The following CTSC variants were observed in gnomAD, a reference collection of about 807,000 sequenced individuals.
CTSC encodes the protein dipeptidyl peptidase 1.
In CTSC, 37 loss-of-function variants were observed where a neutral mutation model predicts 40.9. The ratio of observed to expected loss-of-function variants is 0.91; its 90% CI spans 0.70 to 1.19. The LOEUF is 1.19. CTSC is among the 50% of genes most tolerant of loss of function. The pLI is 0.00. For synonymous variants in CTSC, 232 were observed against 207.4 expected, an observed-to-expected ratio of 1.12 and a Z score of -1.02; for missense variants, 594 against 567.3, an observed-to-expected ratio of 1.05 and a Z score of -0.48.
chr11:88,300,928 T>C (rs540519222), intron 4 of CTSC, among the ~76,000 whole-genome samples: 2 of 152,262 alleles, frequency 1.3e-5, no homozygotes, highest in African/African-American at 2.4e-5. Context: ...TTAGTTTGCC[T>C]GAATAGCTGC....
Position 88,337,661 on chromosome 11 carries a change from C to T in CTSC, c.12G>A (p.Gly4=), listed in dbSNP as rs755959403. The T allele has an allele frequency of 1.2e-4, 194 of 1,577,866 alleles. No individual in the cohort carries two copies. The East Asian group carries it at 4.5e-3, about 36-fold the overall frequency. MGA[G]PSLLLAALLL... ...GGAGGGCGGCGAGCAGCAAGGAGGGCCCAGCACCCATGCTGCAGGGAGCTG... is the reference window on the plus strand; with the variant it reads ...GGAGGGCGGCGAGCAGCAAGGAGGGTCCAGCACCCATGCTGCAGGGAGCTG... The change falls in exon 1 of 7, where the codon GGG becomes GGA. Residue 4 remains glycine (G), a synonymous_variant. Coordinates refer to ENST00000227266, the MANE Select transcript of CTSC (RefSeq NM_001814.6).
At chr11:88,336,238 T>TAAAAAAAAAA (rs3079112) in intron 1 of CTSC, among the ~76,000 whole-genome samples, 1 of 127,206 alleles carries the variant, frequency 7.9e-6, no homozygotes. Context: ...AACTCAAATT[T>TAAAAAAAAAA]AAAAAAAAAA....
chr11:88,312,427 A>C lies in CTSC; in HGVS notation c.446T>G (p.Val149Gly). The C allele has an allele frequency of 6.2e-7, 1 of 1,614,190 alleles. No homozygotes were observed. The highest frequency in any genetic ancestry group is 1.1e-5 in the South Asian group (1 of 91,088). ...CTTAAGGTGTGCTATGTTGACATAC[A>C]CATTCTCAGAGGCAGTTCCCACCTT... The part of the protein sequence containing the change: ...GKKVGTASEN[V>G]YVNIAHLKNS... Residue 149 changes from valine to glycine, a missense_variant, in exon 3 of 7, where the codon GTG becomes GGG. By Grantham distance (109) the Val-to-Gly change is moderately radical. Transcript: ENST00000227266.
At chr11:88,309,395 T>C (rs1937700890) in intron 3 of CTSC, 77 bp from the exon 4 acceptor site, 1 of 1,257,968 alleles carries the variant, frequency 7.9e-7, no homozygotes, top group Non-Finnish European at 1.2e-6. Flanking sequence ...GCATTCACAC[T>C]CTGTGCCTAA....
intron 2 of CTSC, chr11:88,326,343 G>A (rs1267948698): frequency 6.2e-7 from 1 of 1,613,876 alleles, no homozygotes; most frequent in Non-Finnish European, 8.5e-7. Flanking sequence ...AGCTGCTACA[G>A]GTAGGTCCAC....
chr11:88,300,321 T>A lies in CTSC; in HGVS notation c.757+209A>T, dbSNP rs181513908. On this transcript the variant is annotated intron_variant, in intron 5 of 6. Coordinates refer to ENST00000227266, the MANE Select transcript of CTSC (RefSeq NM_001814.6). The stretch of plus-strand genomic sequence containing the variant: ...TATATTGAGAAGAGTACTGAATAAA[T>A]GCTAAGCTCAGTAGAAAAGAAAATT... 5.3e-5 allele frequency among the ~76,000 whole-genome samples: 8 copies of A among 152,312 alleles called. No individual in the cohort carries two copies. In the East Asian group the frequency reaches 1.5e-3, roughly 29 times the overall value.
At position 88,293,919 on chromosome 11, in the gene CTSC, A is replaced by T. The variant is rs759912360; in HGVS notation, c.*87T>A. The T allele has an allele frequency of 7.1e-7, 1 of 1,414,958 alleles. No individual in the cohort carries two copies. Among genetic ancestry groups the T allele is most frequent in the Non-Finnish European group, 9.9e-7 (1 of 1,008,296 alleles). The allele number at this position is 1,414,958 out of a possible 1,614,324, so 87.7% of individuals were successfully genotyped here. On this transcript the variant is annotated 3_prime_UTR_variant, in exon 7 of 7. Transcript: ENST00000227266. ...GGAAATCTATTTGTAAGCTTCTGAG[A>T]TTGCTGCTGAAAGTCTACAGTCTGT... is the stretch of plus-strand genomic sequence containing the variant.
intron 4 of CTSC, 106 bp downstream of exon 4, chr11:88,309,057 T>A: frequency 8.5e-6 from 8 of 944,744 alleles, no homozygotes; most frequent in Non-Finnish European, 1.0e-5. Flanking sequence ...AAGTTACAAC[T>A]GGGATGACCA....
At chr11:88,300,010 A>G (rs1036869415) in intron 5 of CTSC, among the ~76,000 whole-genome samples, 1 of 152,228 alleles carries the variant, frequency 6.6e-6, no homozygotes, top group African/African-American at 2.4e-5. Flanking sequence ...GTTAATACTT[A>G]CCATCACATA....
intron 2 of CTSC, among the ~76,000 whole-genome samples, chr11:88,329,383 G>GAGGA (rs1938280745): frequency 6.8e-6 from 1 of 147,260 alleles, no homozygotes; most frequent in South Asian, 2.1e-4. Flanking sequence ...TCTGGAGGCT[G>GAGGA]AGGAAGGACA....
chr11:88,331,240 C>T (rs757705158), intron 2 of CTSC, among the ~76,000 whole-genome samples: 26 of 152,250 alleles, frequency 1.7e-4, no homozygotes, highest in East Asian at 3.9e-4. Flanking sequence ...TTTCAGATCC[C>T]GTAGGTTGAG....
At chr11:88,329,568 T>G (rs1308237309) in intron 2 of CTSC, among the ~76,000 whole-genome samples, 3 of 151,298 alleles carry the variant, frequency 2.0e-5, no homozygotes, top group Non-Finnish European at 2.9e-5. Flanking sequence ...GAGAGAATGC[T>G]ACACAGAGGA....
chr11:88,319,991 A>G (rs1426602079), intron 2 of CTSC, among the ~76,000 whole-genome samples: 1 of 152,212 alleles, frequency 6.6e-6, no homozygotes, highest in African/African-American at 2.4e-5. Flanking sequence ...TCAGAAAGGA[A>G]CCAGGCAAAT....
rs916846495 is a variant in CTSC at position 88,294,085 on chromosome 11, T to C, written c.1313A>G (p.Tyr438Cys). Residue 438 changes from tyrosine (Y) to cysteine (C), a missense_variant, in exon 7 of 7, where the codon TAC becomes TGC. Transcript: ENST00000227266. ...ATCAGTTCCTCTGCGGATCCGGAAG[T>C]AGCCATTCTCACCCCAGCCGGTGCC... ...SWGTGWGENGYFRIRRGTDEC... is the reference protein window; with the variant it reads ...SWGTGWGENGCFRIRRGTDEC... 1.2e-6 allele frequency: 2 copies of C among 1,614,016 alleles called. No homozygotes were observed. The highest frequency in any genetic ancestry group is 1.7e-5 in the Admixed American group (1 of 59,968).
chr11:88,331,810 A>G (rs1476995045), intron 2 of CTSC, among the ~76,000 whole-genome samples: 1 of 152,318 alleles, frequency 6.6e-6, no homozygotes, highest in East Asian at 1.9e-4. Flanking sequence ...TGAGGGTCTT[A>G]GAAACCATAA....
chr11:88,320,358 A>G (rs1201855846), intron 2 of CTSC, among the ~76,000 whole-genome samples: 5 of 152,238 alleles, frequency 3.3e-5, no homozygotes, highest in South Asian at 2.1e-4. Flanking sequence ...CAAAGTAGTC[A>G]AAGTCCCTGG....
rs1944268143 is a variant in CTSC, at chr11:88,293,882, A to C, written c.*124T>G. The C allele has an allele frequency of 8.2e-7, 1 of 1,216,064 alleles. No homozygotes were observed. Among genetic ancestry groups the C allele is most frequent in the Admixed American group, 1.8e-5 (1 of 57,048 alleles). 75.3% of individuals were successfully genotyped at this position (1,216,064 alleles called of 1,614,324 possible). A position where few individuals can be genotyped will look rare whatever the true frequency, so the allele number is the denominator to read the frequency against. On this transcript the variant is annotated 3_prime_UTR_variant, in exon 7 of 7. Coordinates refer to ENST00000227266, the MANE Select transcript of CTSC (RefSeq NM_001814.6). The stretch of plus-strand genomic sequence containing the variant: ...TAAGGGCAGTTTTAATTCTGAAGAC[A>C]AATATCTTCATGGAAATCTATTTGT...
intron 3 of CTSC, 149 bp downstream of exon 3, chr11:88,312,239 A>AT (rs1565256212): frequency 1.4e-6 from 1 of 727,860 alleles, no homozygotes; most frequent in Non-Finnish European, 2.3e-6. Flanking sequence ...TGGTCAATTT[A>AT]TTTTTCCAGT....
At position 88,326,760 on chromosome 11, in the gene CTSC, C is replaced by A. The variant is rs140362372; in HGVS notation, c.318+8177G>T. Among the ~76,000 whole-genome samples, 1,011 of 152,284 alleles carry A rather than the reference C, an allele frequency of 6.6e-3. 10 individuals carry two copies. Among genetic ancestry groups the A allele is most frequent in the African/African-American group, 0.023 (960 of 41,558 alleles). ...CAGGCTAAATATAGTAACTTAGATA[C>A]ATTAACATGTATACCTTGCAAACTT... On this transcript the variant is annotated intron_variant, in intron 2 of 6. Coordinates refer to ENST00000227266, the MANE Select transcript of CTSC (RefSeq NM_001814.6).
Sources: gnomAD v4.1 joint callset for allele counts (sites outside exome capture counted in the v4.1 genomes callset) on GRCh38, gnomAD v4.1.1 for gene constraint, MANE v1.5 for transcripts, NCBI Gene and HGNC (gene_info 2026-07-23, HGNC 2026-07-21) for gene names.